The following NEB variants were observed in gnomAD, a reference collection of about 807,000 sequenced individuals.
The protein encoded by NEB is nebulin.
NEB carries 512 observed loss-of-function variants against 952.2 expected under a neutral mutation model. The observed-to-expected ratio is 0.54, with a 90% CI of 0.50 to 0.58. The LOEUF is 0.58. Ranked by LOEUF, NEB falls within the 20% of genes least tolerant of loss-of-function variation. NEB has a pLI of 0.00. For synonymous variants in NEB, 2,900 were observed against 3,149.8 expected, an observed-to-expected ratio of 0.92 and a Z score of 2.66; for missense variants, 8,428 against 9,231.1, an observed-to-expected ratio of 0.91 and a Z score of 3.56.
chr2:151,697,980 T>G lies in NEB; in HGVS notation c.1153-332A>C, dbSNP rs527449806. On this transcript the variant is annotated intron_variant, in intron 13 of 181. Coordinates refer to ENST00000397345, the MANE Select transcript of NEB (RefSeq NM_001164508.2). ...ACTTGGGAGGCTGAGGCAGGAGAAT[T>G]GCTTGAACCCGGGAGGCGGAGGTTG... Among the ~76,000 whole-genome samples the G allele has an allele frequency of 2.0e-5, 3 of 152,228 alleles. No homozygotes were observed. The East Asian group carries it at 5.8e-4, about 29-fold the overall frequency.
In NEB at chr2:151,499,848, G is replaced by A. The variant is rs528756686; in HGVS notation, c.24022-458C>T. On this transcript the variant is annotated intron_variant, in intron 168 of 181. Coordinates refer to ENST00000397345, the MANE Select transcript of NEB (RefSeq NM_001164508.2). ...TTCAAGTTGTTGTAGAGATGGTCAA[G>A]TATAGAGGTTCAATATGTGGCATTG... 5.9e-5 allele frequency among the ~76,000 whole-genome samples: 9 copies of A among 152,270 alleles called. No individual in the cohort carries two copies. The South Asian group carries it at 1.5e-3, about 25-fold the overall frequency.
At chr2:151,526,381 G>A in intron 148 of NEB, 119 bp from the exon 149 acceptor site, 2 of 731,348 alleles carry the variant, frequency 2.7e-6, no homozygotes, top group Admixed American at 4.9e-5. Flanking sequence ...TAAAAGATGT[G>A]ATACTTGCAA....
At chr2:151,644,154 T>G (rs1397828683) in intron 56 of NEB, 25 bp from the exon 57 acceptor site, 1 of 1,603,982 alleles carries the variant, frequency 6.2e-7, no homozygotes, top group Non-Finnish European at 8.5e-7. Flanking sequence ...TGTGTCTCAT[T>G]CCTTTCAAAA....
intron 167 of NEB, among the ~76,000 whole-genome samples, chr2:151,502,543 A>C (rs1051576799): frequency 2.6e-5 from 4 of 152,152 alleles, no homozygotes; most frequent in African/African-American, 9.6e-5. Flanking sequence ...CTGTTATTAA[A>C]GGAGGAATGG....
chr2:151,565,142 A>AT lies in NEB; in HGVS notation c.18372dup (p.Tyr6125IlefsTer2), dbSNP rs1559992249. 9 of 1,525,686 alleles carry AT rather than the reference A, an allele frequency of 5.9e-6. No homozygotes were observed. The highest frequency in any genetic ancestry group is 8.1e-6 in the Non-Finnish European group (9 of 1,113,408). The allele number at this position is 1,525,686 out of a possible 1,614,324, so 94.5% of individuals were successfully genotyped here. A position where few individuals can be genotyped will look rare whatever the true frequency, so the allele number is the denominator to read the frequency against. ...TTTGCTTTATTAAATGTTTCTTTAT[A>AT]TTTTACCTAAGGAGAGAAAACCAAA... On this transcript the variant is annotated frameshift_variant, in exon 117 of 182. Transcript: ENST00000397345. LOFTEE classifies it high-confidence loss of function.
chr2:151,627,231 G>A, intron 69 of NEB, 26 bp from the exon 70 acceptor site: 1 of 1,598,232 alleles, frequency 6.3e-7, no homozygotes, highest in Non-Finnish European at 8.5e-7. Flanking sequence ...ACAAAAGCGA[G>A]TATTACTGAA....
chr2:151,670,991 C>A (rs374044989), intron 38 of NEB, 32 bp downstream of exon 38: 1 of 1,588,334 alleles, frequency 6.3e-7, no homozygotes, highest in Non-Finnish European at 8.6e-7. Flanking sequence ...TGGTTATTTA[C>A]GGGCAAATCA....
chr2:151,534,707 C>T (rs991959514), intron 142 of NEB, among the ~76,000 whole-genome samples: 3 of 152,068 alleles, frequency 2.0e-5, no homozygotes, highest in African/African-American at 7.2e-5. Flanking sequence ...AAAACATCCA[C>T]GGGAAATTTG....
At chr2:151,627,378 A>T in intron 69 of NEB, 145 bp downstream of exon 69, 1 of 1,419,828 alleles carries the variant, frequency 7.0e-7, no homozygotes, top group South Asian at 1.4e-5. Flanking sequence ...TCTCCAAAAA[A>T]AGTAAGGGGA....
Position 151,610,003 on chromosome 2 carries a change from C to A in NEB, c.12136G>T (p.Glu4046Ter). The A allele has an allele frequency of 6.2e-7, 1 of 1,613,908 alleles. No homozygotes were observed. The highest frequency in any genetic ancestry group is 2.2e-5 in the East Asian group (1 of 44,850). The change falls in exon 81 of 182, where the codon GAG (glutamate) becomes TAG (stop). Residue 4046 changes from glutamate to a stop codon, truncating the protein, a stop_gained. Transcript: ENST00000397345. LOFTEE classifies it high-confidence loss of function. ...IHAGKIQSER[E>*]YKKEFQKWKT... ...CACTTTTGGAATTCCTTCTTGTACT[C>A]CCTTTCACTTTGAATTTTTCCTGCA... is the stretch of plus-strand genomic sequence containing the variant.
chr2:151,490,506 C>T lies in NEB; in HGVS notation c.25163G>A (p.Arg8388His), dbSNP rs139333406. Residue 8388 changes from arginine to histidine, a missense_variant, in exon 180 of 182, where the codon CGC (arginine) becomes CAC (histidine). By Grantham distance (29) the Arg-to-His change is conservative. Transcript: ENST00000397345. ...AGATCGTGACTGCTCCCGGCTCCGG[C>T]GCTGAGCTTGGACTGGGAGAGATGC... ...SLHMINVQAQ[R>H]RSREQSRSAS... 672 of 1,608,998 alleles carry T rather than the reference C, an allele frequency of 4.2e-4. 11 individuals carry two copies. The East Asian group carries it at 0.014, about 33-fold the overall frequency.
chr2:151,619,887 T>A, intron 72 of NEB, 125 bp from the exon 73 acceptor site: 1 of 950,646 alleles, frequency 1.1e-6, no homozygotes, highest in Non-Finnish European at 1.5e-6. Context: ...CATGCTGCTG[T>A]AACGCCACAT....
At position 151,678,251 on chromosome 2, in the gene NEB, G is replaced by T. The variant is rs866547711; in HGVS notation, c.3256-64C>A. On this transcript the variant is annotated intron_variant, in intron 32 of 181. Coordinates refer to ENST00000397345, the MANE Select transcript of NEB (RefSeq NM_001164508.2). The stretch of plus-strand genomic sequence containing the variant: ...TTTGAGGGCTTTACTAAACAATGAG[G>T]CCATGATTTGAAGTAATTGAGCTTC... 22 of 1,069,718 alleles carry T rather than the reference G, an allele frequency of 2.1e-5. No homozygotes were observed. In the Middle Eastern group the frequency reaches 8.8e-4, roughly 43 times the overall value. The allele number at this position is 1,069,718 out of a possible 1,614,324, so 66.3% of individuals were successfully genotyped here.
rs754944482 is a variant in NEB at position 151,565,097 on chromosome 2, G to T, written c.18418C>A (p.Pro6140Thr). 1 of 1,601,104 alleles carries T rather than the reference G, an allele frequency of 6.2e-7. No homozygotes were observed. The highest frequency in any genetic ancestry group is 1.1e-5 in the South Asian group (1 of 89,608). Reference protein sequence around the residue: ...NKAKGKYTFSPDTPHISHSKD... With the variant: ...NKAKGKYTFSTDTPHISHSKD... ...GAGTGGGAGATATGTGGTGTATCTG[G>T]TGAAAACGTATATTTGCCCTTTGCT... The change falls in exon 117 of 182, where the codon CCA becomes ACA. Residue 6140 changes from proline to threonine, a missense_variant. Physicochemically the swap from Pro to Thr is conservative, Grantham distance 38 (BLOSUM62 -1). Around this residue, in one of 11 missense-constraint regions of NEB, gnomAD observed 3,374 missense variants for 3,651.5 expected, o/e 0.92. Coordinates refer to ENST00000397345, the MANE Select transcript of NEB (RefSeq NM_001164508.2).
At position 151,531,900 on chromosome 2, in the gene NEB, A is replaced by G; in HGVS notation, c.21418-4T>C. Reference sequence around the variant, plus strand: ...CATAGTTTTTCCTGTATTTGATCTAAATTGTGGAAGAGAAGAAAGAGCTCT... The same window carrying G: ...CATAGTTTTTCCTGTATTTGATCTAGATTGTGGAAGAGAAGAAAGAGCTCT... On this transcript the variant is annotated splice_polypyrimidine_tract_variant and splice_region_variant and intron_variant, in intron 143 of 181. Transcript: ENST00000397345. The G allele has an allele frequency of 6.5e-7, 1 of 1,533,632 alleles. No homozygotes were observed. Among genetic ancestry groups the G allele is most frequent in the East Asian group, 2.3e-5 (1 of 42,738 alleles).
At chr2:151,607,640 T>C (rs4664489) in intron 82 of NEB, 32 bp from the exon 83 acceptor site, 50,855 of 416,232 alleles carry the variant, frequency 0.12, 15,417 homozygotes, top group African/African-American at 0.39. Context: ...GGAATCAATA[T>C]CTGAAACATT....
chr2:151,681,118 A>C (rs934422680), intron 29 of NEB, among the ~76,000 whole-genome samples: 3 of 152,214 alleles, frequency 2.0e-5, no homozygotes, highest in Non-Finnish European at 4.4e-5. Context: ...AGACACCCTC[A>C]GCTAAGCAGA....
At chr2:151,655,727 G>T in intron 50 of NEB, 90 bp downstream of exon 50, 1 of 1,353,306 alleles carries the variant, frequency 7.4e-7, no homozygotes. Context: ...TAGGAATGAT[G>T]GACCTTAATT....
Position 151,697,991 on chromosome 2 carries a change from G to T in NEB, c.1153-343C>A, listed in dbSNP as rs187375777. Among the ~76,000 whole-genome samples, 181 of 152,272 alleles carry T rather than the reference G, an allele frequency of 1.2e-3. 2 individuals carry two copies. In the East Asian group the frequency reaches 0.03, roughly 26 times the overall value. ...TGAGGCAGGAGAATTGCTTGAACCC[G>T]GGAGGCGGAGGTTGCAGTGAGCCGA... On this transcript the variant is annotated intron_variant, in intron 13 of 181. Transcript: ENST00000397345.
Sources: gnomAD v4.1 joint callset for allele counts (sites outside exome capture counted in the v4.1 genomes callset) on GRCh38, gnomAD v4.1.1 for gene constraint, gnomAD v4.1.1 regional missense constraint, MANE v1.5 for transcripts, NCBI Gene and HGNC (gene_info 2026-07-23, HGNC 2026-07-21) for gene names.